The following TRIM10 variants were observed in gnomAD, a reference collection of about 807,000 sequenced individuals.
The protein encoded by TRIM10 is tripartite motif-containing protein 10.
In TRIM10, 42 loss-of-function variants were observed where a neutral mutation model predicts 40.0. The ratio of observed to expected loss-of-function variants is 1.05; its 90% confidence interval spans 0.82 to 1.36. The LOEUF (loss-of-function observed/expected upper bound fraction) is 1.36. Among genes scored for constraint, TRIM10 ranks in the 40% most tolerant of loss-of-function variants. TRIM10 has a pLI of 0.00. For missense variants in TRIM10, 601 were observed against 608.3 expected, an observed-to-expected ratio of 0.99 and a Z score of 0.13; for synonymous variants, 260 against 239.5, an observed-to-expected ratio of 1.09 and a Z score of -0.79.
At chr6:30,162,885 A>G (rs1016075711), upstream of TRIM10, among the ~76,000 whole-genome samples, 1 of 152,066 alleles carries the variant, frequency 6.6e-6, no homozygotes, top group African/African-American at 2.4e-5. Flanking sequence ...GTGTATCAAC[A>G]TAAATCATTT....
chr6:30,160,404 G>GGGTA (rs1772960558), intron 1 of TRIM10, 26 bp downstream of exon 1: 1 of 1,602,492 alleles, frequency 6.2e-7, no homozygotes, highest in Admixed American at 1.7e-5. Flanking sequence ...AGTCCACCCT[G>GGGTA]GGATCCCCCA....
chr6:30,163,930 C>G (rs552583632), upstream of TRIM10: 73 of 1,613,028 alleles, frequency 4.5e-5, no homozygotes, highest in Non-Finnish European at 5.8e-5. Context: ...GAGAAACTTA[C>G]TGCGAGGAGC....
intron 6 of TRIM10, among the ~76,000 whole-genome samples, chr6:30,155,323 G>T (rs887123870): frequency 3.9e-5 from 6 of 152,084 alleles, no homozygotes; most frequent in Non-Finnish European, 7.3e-5. Flanking sequence ...GTTCTAAAGA[G>T]GTGATTATAA....
rs532826362 is a variant in TRIM10 at position 30,154,281 on chromosome 6, G to C, written c.1134C>G (p.Ser378Arg). Residue 378 changes from serine to arginine, a missense_variant, in exon 7 of 7, where the codon AGC (serine) becomes AGG (arginine). Ser to Arg is a moderately radical substitution (Grantham distance 110, BLOSUM62 -1). Transcript: ENST00000449742. ...VVSIDLAHGG[S>R]CTVGVVSEDV... Reference sequence around the variant, plus strand: ...CCTCGCTCACCACGCCCACGGTGCAGCTGCCCCCATGGGCCAGGTCTATAC... The same window carrying C: ...CCTCGCTCACCACGCCCACGGTGCACCTGCCCCCATGGGCCAGGTCTATAC... 80 of 1,612,792 alleles carry C rather than the reference G, an allele frequency of 5.0e-5. 2 individuals are homozygous for C. The South Asian group carries it at 8.7e-4, about 17-fold the overall frequency.
rs1302128272 is a variant in TRIM10, at chr6:30,156,056, A to G, written c.896-297T>C. Among the ~76,000 whole-genome samples, 3 of 152,332 alleles carry G rather than the reference A, an allele frequency of 2.0e-5. No homozygotes were observed. In the East Asian group the frequency reaches 5.8e-4, roughly 29 times the overall value. Reference sequence around the variant, plus strand: ...GCCCCACTGCCCTAGCCCTGATCAAACAGGGACCATGACTGCCTTGCTCAC... The same window carrying G: ...GCCCCACTGCCCTAGCCCTGATCAAGCAGGGACCATGACTGCCTTGCTCAC... On this transcript the variant is annotated intron_variant, in intron 5 of 6. Transcript: ENST00000449742.
rs1772153581 is a variant in TRIM10, at chr6:30,152,991, T to A, written c.*978A>T. ...TTCTTGACCTCAGATGGTAATCAAC[T>A]GATCAGGAAGACAATTTCCCTAGGG... On this transcript the variant is annotated 3_prime_UTR_variant, in exon 7 of 7. Transcript: ENST00000449742. The A allele has an allele frequency of 6.6e-6, 1 of 152,262 alleles. No homozygotes were observed. Among genetic ancestry groups the A allele is most frequent in the Non-Finnish European group, 1.5e-5 (1 of 68,072 alleles). The allele number at this position is 152,262 out of a possible 1,614,324, so 9.4% of individuals were successfully genotyped here. A position where few individuals can be genotyped will look rare whatever the true frequency, so the allele number is the denominator to read the frequency against.
In TRIM10 at chr6:30,154,077, G is replaced by A. The variant is rs146924696; in HGVS notation, c.1338C>T (p.Asn446=). The A allele has an allele frequency of 1.4e-4, 224 of 1,611,954 alleles. No individual in the cohort carries two copies. The African/African-American group carries it at 1.8e-3, about 13-fold the overall frequency. Residue 446 remains asparagine, a synonymous_variant, in exon 7 of 7, where the codon AAC becomes AAT. Transcript: ENST00000449742. The part of the protein sequence containing the change: ...DYEVGWVTFT[N]AVTREPIYTF... ...TGTAGATGGGCTCTCGGGTGACAGC[G>A]TTGGTGAAGGTCACCCAGCCCACCT...
chr6:30,162,602 G>A (rs553228691), upstream of TRIM10, among the ~76,000 whole-genome samples: 35 of 152,310 alleles, frequency 2.3e-4, no homozygotes, highest in South Asian at 6.6e-3. Flanking sequence ...GTGAAGGACC[G>A]TGGCTGCAGA....
upstream of TRIM10, among the ~76,000 whole-genome samples, chr6:30,161,454 G>A (rs1263204780): frequency 6.6e-6 from 1 of 152,226 alleles, no homozygotes; most frequent in Non-Finnish European, 1.5e-5. Flanking sequence ...AAAGAGGCTG[G>A]AATATTCCCT....
chr6:30,162,221 A>C (rs1372998034), upstream of TRIM10, among the ~76,000 whole-genome samples: 1 of 150,832 alleles, frequency 6.6e-6, no homozygotes, highest in Non-Finnish European at 1.5e-5. Flanking sequence ...GCTTGCAGTG[A>C]GCCAAGATCG....
chr6:30,163,627 A>G, upstream of TRIM10: 1 of 1,529,362 alleles, frequency 6.5e-7, no homozygotes, highest in Non-Finnish European at 8.8e-7. Flanking sequence ...GATTTCAGGG[A>G]AAGGGAACTC....
rs755329558 is a variant in TRIM10 at position 30,158,420 on chromosome 6, CCT to C, written c.733_734del (p.Arg245AlafsTer17). On this transcript the variant is annotated frameshift_variant, in exon 3 of 7. Transcript: ENST00000449742. LOFTEE classifies it high-confidence loss of function. ...TCACCGTCAGGAGCTCCCTTGCTGG[CCT>C]CTCATTCTTCTCCTCCAGTTCTTCA... ...LIEELEEKNE[R>X]PARELLTDIR... The C allele has an allele frequency of 3.1e-6, 5 of 1,612,900 alleles. No individual in the cohort carries two copies. Among genetic ancestry groups the C allele is most frequent in the Non-Finnish European group, 3.4e-6 (4 of 1,180,018 alleles).
In TRIM10 at chr6:30,160,652, G is replaced by A. The variant is rs766372174; in HGVS notation, c.207C>T (p.Phe69=). 1 of 1,614,266 alleles carries A rather than the reference G, an allele frequency of 6.2e-7. No homozygotes were observed. The highest frequency in any genetic ancestry group is 1.3e-5 in the African/African-American group (1 of 75,072). Residue 69 remains phenylalanine, a synonymous_variant, in exon 1 of 7, where the codon TTC becomes TTT. Coordinates refer to ENST00000449742, the MANE Select transcript of TRIM10 (RefSeq NM_006778.4). ...LCKEPFRPGS[F]RPNWQLANVV... The stretch of plus-strand genomic sequence containing the variant: ...CGTTAGCCAGCTGCCAGTTGGGCCG[G>A]AAGCTCCCAGGACGGAAGGGTTCTT...
Position 30,154,325 on chromosome 6 carries a change from T to TC in TRIM10, c.1089dup (p.Arg364GlufsTer73), listed in dbSNP as rs757570225. The TC allele has an allele frequency of 1.9e-6, 3 of 1,612,950 alleles. No individual in the cohort carries two copies. The highest frequency in any genetic ancestry group is 1.3e-5 in the African/African-American group (1 of 74,982). On this transcript the variant is annotated frameshift_variant, in exon 7 of 7. Transcript: ENST00000449742. LOFTEE classifies it low-confidence loss of function (END_TRUNC). ...TCTATACTCACCACCCACGTGTGTCTCCCCCCTGTGATGCCAGTGTGGGCC... is the reference window on the plus strand; with the variant it reads ...TCTATACTCACCACCCACGTGTGTCTCCCCCCCTGTGATGCCAGTGTGGGCC...
At position 30,153,397 on chromosome 6, in the gene TRIM10, C is replaced by T; in HGVS notation, c.*572G>A. The T allele has an allele frequency of 2.5e-6, 1 of 403,096 alleles. No homozygotes were observed. The highest frequency in any genetic ancestry group is 3.9e-5 in the South Asian group (1 of 25,642). 25.0% of individuals were successfully genotyped at this position (403,096 alleles called of 1,614,324 possible). ...GGGTTGGACTTCCCGTAACACCCACCACACTGTGCTGTAATTTCCTCTTTA... is the reference window on the plus strand; with the variant it reads ...GGGTTGGACTTCCCGTAACACCCACTACACTGTGCTGTAATTTCCTCTTTA... On this transcript the variant is annotated 3_prime_UTR_variant, in exon 7 of 7. Coordinates refer to ENST00000449742, the MANE Select transcript of TRIM10 (RefSeq NM_006778.4).
rs763690621 is a variant in TRIM10 at position 30,156,979 on chromosome 6, C to T, written c.855G>A (p.Gln285=). The change falls in exon 5 of 7, where the codon CAG becomes CAA. Residue 285 remains glutamine (Q), a synonymous_variant. Transcript: ENST00000449742. ...ELGQRIRDFP[Q]QALPLQREMK... ...TCTCCCTCTGCAGCGGGAGGGCCTGCTGGGGAAAGTCCCGAATCCTCTGGC... is the reference window on the plus strand; with the variant it reads ...TCTCCCTCTGCAGCGGGAGGGCCTGTTGGGGAAAGTCCCGAATCCTCTGGC... 4.3e-6 allele frequency: 7 copies of T among 1,612,972 alleles called. No individual in the cohort carries two copies. Among genetic ancestry groups the T allele is most frequent in the Non-Finnish European group, 5.9e-6 (7 of 1,180,030 alleles).
Sources: gnomAD v4.1 joint callset for allele counts (sites outside exome capture counted in the v4.1 genomes callset) on GRCh38, gnomAD v4.1.1 for gene constraint, MANE v1.5 for transcripts, NCBI Gene and HGNC (gene_info 2026-07-23, HGNC 2026-07-21) for gene names.